Variants in SMIM14 observed in about 807,000 individuals in gnomAD.
The protein encoded by SMIM14 is small integral membrane protein 14, also known as chromosome 4 open reading frame 34.
A neutral mutation model predicts 12.6 loss-of-function variants in SMIM14; 5 were observed. The observed-to-expected ratio is 0.40, with a 90% CI of 0.21 to 0.83. SMIM14 has a LOEUF of 0.83. Among genes scored for constraint, SMIM14 ranks in the 40% least tolerant of loss-of-function variants. The pLI is 0.37. For missense variants in SMIM14, 86 were observed against 119.1 expected, an observed-to-expected ratio of 0.72 and a Z score of 1.29; for synonymous variants, 30 against 40.1, an observed-to-expected ratio of 0.75 and a Z score of 0.95.
At chr4:39,554,366 G>A (rs1225164383) in intron 4 of SMIM14, among the ~76,000 whole-genome samples, 1 of 152,122 alleles carries the variant, frequency 6.6e-6, no homozygotes, top group East Asian at 1.9e-4. Flanking sequence ...CCAGTACTTC[G>A]GGAGGCCGAG....
chr4:39,546,345 G>GTGTT lies in SMIM14; in HGVS notation c.*5777_*5780dup, dbSNP rs1747347635. 6.6e-6 allele frequency: 1 copy of GTGTT among 152,152 alleles called. No homozygotes were observed. The highest frequency in any genetic ancestry group is 2.4e-5 in the African/African-American group (1 of 41,436). The allele number at this position is 152,152 out of a possible 1,614,324, so 9.4% of individuals were successfully genotyped here. A position where few individuals can be genotyped will look rare whatever the true frequency, so the allele number is the denominator to read the frequency against. ...GAAACAAGTATAAAAATTTGTTGAA[G>GTGTT]TGTTTATTGAACGAACATAATACAT... On this transcript the variant is annotated 3_prime_UTR_variant, in exon 5 of 5. Coordinates refer to ENST00000295958, the MANE Select transcript of SMIM14 (RefSeq NM_174921.3).
intron 1 of SMIM14, among the ~76,000 whole-genome samples, chr4:39,629,449 ATT>A (rs10686216): frequency 1.5e-5 from 2 of 129,930 alleles, no homozygotes; most frequent in Non-Finnish European, 1.6e-5. Context: ...CTTATAAATG[ATT>A]TTTTTTTTTT....
At chr4:39,569,294 C>A (rs1475245617) in intron 3 of SMIM14, among the ~76,000 whole-genome samples, 1 of 152,188 alleles carries the variant, frequency 6.6e-6, no homozygotes, top group Non-Finnish European at 1.5e-5. Context: ...CTAGGCACTG[C>A]ACTAGCTCCC....
At chr4:39,629,759 G>C (rs1715836232) in intron 1 of SMIM14, among the ~76,000 whole-genome samples, 1 of 152,068 alleles carries the variant, frequency 6.6e-6, no homozygotes. Flanking sequence ...GAGCAGCTGA[G>C]CCCACAGGTG....
At chr4:39,589,536 T>G (rs895135019) in intron 2 of SMIM14, 2 of 152,240 alleles carry the variant, frequency 1.3e-5, no homozygotes, top group Non-Finnish European at 2.9e-5. Flanking sequence ...GAAAAACACA[T>G]GAGCATAATC....
rs71645113 is a variant in SMIM14, at chr4:39,629,360, C to CCA, written c.-36+9378_-36+9379insTG. ...TGGGTGACAAAGCAAGACTCTGTCT[C>CCA]AAAAAAAAAAAAAAAAAAGATACAT... On this transcript the variant is annotated intron_variant, in intron 1 of 4. Transcript: ENST00000295958. Among the ~76,000 whole-genome samples, 4 of 80,492 alleles carry CCA rather than the reference C, an allele frequency of 5.0e-5. No individual in the cohort carries two copies. In the East Asian group the frequency reaches 1.1e-3, roughly 23 times the overall value. 52.8% of individuals were successfully genotyped at this position (80,492 alleles called of 152,430 possible). A position where few individuals can be genotyped will look rare whatever the true frequency, so the allele number is the denominator to read the frequency against.
intron 2 of SMIM14, among the ~76,000 whole-genome samples, chr4:39,598,451 T>A (rs1714464219): frequency 6.6e-6 from 1 of 152,208 alleles, no homozygotes; most frequent in Non-Finnish European, 1.5e-5. Context: ...TATATAAATA[T>A]GCATTATTGC....
chr4:39,568,799 TC>T (rs1424993425), intron 3 of SMIM14, among the ~76,000 whole-genome samples: 2 of 152,146 alleles, frequency 1.3e-5, no homozygotes, highest in African/African-American at 4.8e-5. Flanking sequence ...AATAATTCTA[TC>T]CCTCACAGTA....
At position 39,575,688 on chromosome 4, in the gene SMIM14, G is replaced by A. The variant is rs975103194; in HGVS notation, c.76-3225C>T. ...CAATCTCTGCCTCCTGGACTCAAGC[G>A]ATCCTCCTACCTTAGCCTCCTGAGT... On this transcript the variant is annotated intron_variant, in intron 2 of 4. Coordinates refer to ENST00000295958, the MANE Select transcript of SMIM14 (RefSeq NM_174921.3). 5.3e-5 allele frequency among the ~76,000 whole-genome samples: 8 copies of A among 150,394 alleles called. No homozygotes were observed. In the East Asian group the frequency reaches 5.8e-4, roughly 11 times the overall value.
chr4:39,572,931 G>A lies in SMIM14; in HGVS notation c.76-468C>T, dbSNP rs1712977440. On this transcript the variant is annotated intron_variant, in intron 2 of 4. Coordinates refer to ENST00000295958, the MANE Select transcript of SMIM14 (RefSeq NM_174921.3). Reference sequence around the variant, plus strand: ...AGCTCACTGCAGCTTCAAACTCCTGGGCTCAAATGATCCTCCTGCCTCAGC... The same window carrying A: ...AGCTCACTGCAGCTTCAAACTCCTGAGCTCAAATGATCCTCCTGCCTCAGC... Among the ~76,000 whole-genome samples the A allele has an allele frequency of 2.0e-5, 3 of 152,046 alleles. No homozygotes were observed. In the South Asian group the frequency reaches 6.2e-4, roughly 32 times the overall value.
intron 1 of SMIM14, among the ~76,000 whole-genome samples, chr4:39,625,092 A>G (rs1196175193): frequency 6.9e-6 from 1 of 145,924 alleles, no homozygotes; most frequent in Non-Finnish European, 1.5e-5. Context: ...GTGGTGCATG[A>G]CTGTAATCCC....
At position 39,581,873 on chromosome 4, in the gene SMIM14, C is replaced by CT. The variant is rs200459196; in HGVS notation, c.76-9411dup. On this transcript the variant is annotated intron_variant, in intron 2 of 4. Transcript: ENST00000295958. Reference sequence around the variant, plus strand: ...CCACCATGCCCAGCAAATGTCTTTTCTTTTTTTTTTTTTTTGAGACTGAGT... The same window carrying CT: ...CCACCATGCCCAGCAAATGTCTTTTCTTTTTTTTTTTTTTTTGAGACTGAGT... Among the ~76,000 whole-genome samples the CT allele has an allele frequency of 1.7e-3, 224 of 135,350 alleles. 1 individual carries two copies. Among genetic ancestry groups the CT allele is most frequent in the African/African-American group, 2.2e-3 (82 of 36,828 alleles). The allele number at this position is 135,350 out of a possible 152,430, so 88.8% of individuals were successfully genotyped here. A position where few individuals can be genotyped will look rare whatever the true frequency, so the allele number is the denominator to read the frequency against.
intron 2 of SMIM14, among the ~76,000 whole-genome samples, chr4:39,599,484 C>T (rs1357015843): frequency 6.6e-6 from 1 of 152,026 alleles, no homozygotes; most frequent in African/African-American, 2.4e-5. Flanking sequence ...CAAGGTGATC[C>T]ATAAAGAGGC....
At chr4:39,559,664 A>G (rs1188411814) in intron 3 of SMIM14, among the ~76,000 whole-genome samples, 1 of 152,196 alleles carries the variant, frequency 6.6e-6, no homozygotes, top group Non-Finnish European at 1.5e-5. Context: ...TAGTGATAAA[A>G]GCGGACAAAG....
chr4:39,635,856 C>T (rs1391209975), intron 1 of SMIM14, among the ~76,000 whole-genome samples: 1 of 151,976 alleles, frequency 6.6e-6, no homozygotes, highest in Non-Finnish European at 1.5e-5. Flanking sequence ...TAAATGGGCA[C>T]ACACCAAGAC....
chr4:39,624,858 A>C (rs574763311), intron 1 of SMIM14, among the ~76,000 whole-genome samples: 36 of 151,402 alleles, frequency 2.4e-4, no homozygotes, highest in African/African-American at 8.0e-4. Context: ...CTTAGTAACG[A>C]AATACTTTTC....
At chr4:39,631,837 C>CA (rs1287413443) in intron 1 of SMIM14, among the ~76,000 whole-genome samples, 2 of 151,620 alleles carry the variant, frequency 1.3e-5, no homozygotes, top group Non-Finnish European at 2.9e-5. Context: ...TCAATGAGTG[C>CA]AGTCAGGCAT....
intron 4 of SMIM14, among the ~76,000 whole-genome samples, chr4:39,552,360 G>A (rs897231412): frequency 6.6e-6 from 1 of 151,902 alleles, no homozygotes; most frequent in Admixed American, 6.6e-5. Context: ...TTTTACATGA[G>A]GGAACACTAG....
intron 4 of SMIM14, among the ~76,000 whole-genome samples, chr4:39,553,061 T>G (rs1194171853): frequency 1.3e-5 from 2 of 148,398 alleles, no homozygotes; most frequent in African/African-American, 5.0e-5. Flanking sequence ...TTTTAATAGT[T>G]TTTTTTTTTT....
Sources: gnomAD v4.1 joint callset for allele counts (sites outside exome capture counted in the v4.1 genomes callset) on GRCh38, gnomAD v4.1.1 for gene constraint, MANE v1.5 for transcripts, NCBI Gene and HGNC (gene_info 2026-07-23, HGNC 2026-07-21) for gene names.